LRFN5: variants seen among roughly 807,000 people sequenced by gnomAD.
The protein encoded by LRFN5 is leucine rich repeat and fibronectin type III domain containing 5.
In LRFN5, 24 loss-of-function variants were observed where a neutral mutation model predicts 45.6. That is an observed-to-expected ratio of 0.53 (90% CI 0.38 to 0.74). The LOEUF (loss-of-function observed/expected upper bound fraction) is 0.74, where lower values mean the gene tolerates loss of function less well. Among genes scored for constraint, LRFN5 ranks in the 30% least tolerant of loss-of-function variants. The probability of loss-of-function intolerance (pLI) is 0.00; values close to 1 mark genes in which losing one functional copy is unlikely to be tolerated. For synonymous variants in LRFN5, 340 were observed against 313.8 expected, an observed-to-expected ratio of 1.08 and a Z score of -0.88; for missense variants, 776 against 861.5, an observed-to-expected ratio of 0.90 and a Z score of 1.24.
At chr14:41,801,760 A>T (rs1887343024) in intron 2 of LRFN5, among the ~76,000 whole-genome samples, 1 of 152,152 alleles carries the variant, frequency 6.6e-6, no homozygotes, top group Non-Finnish European at 1.5e-5. Flanking sequence ...GTAACTGCAT[A>T]AATTGCTCTT....
chr14:41,860,520 G>A (rs1889624472), intron 2 of LRFN5, among the ~76,000 whole-genome samples: 1 of 151,966 alleles, frequency 6.6e-6, no homozygotes. Flanking sequence ...ACCTTACCAT[G>A]GACATAATTA....
At chr14:41,882,532 A>G (rs1295282722) in intron 2 of LRFN5, among the ~76,000 whole-genome samples, 2 of 152,012 alleles carry the variant, frequency 1.3e-5, no homozygotes, top group African/African-American at 4.8e-5. Flanking sequence ...TTCCTTCCTC[A>G]ATTTTTTTCT....
rs554717683 is a variant in LRFN5 at position 41,770,607 on chromosome 14, G to T, written c.-21+3578G>T. Among the ~76,000 whole-genome samples, 6 of 152,250 alleles carry T rather than the reference G, an allele frequency of 3.9e-5. No homozygotes were observed. The East Asian group carries it at 1.2e-3, about 29-fold the overall frequency. The stretch of plus-strand genomic sequence containing the variant: ...ATCTTAAAGCTCCAACACAATCCTC[G>T]ACTTCATGTTCCACAGCATGTTGTG... On this transcript the variant is annotated intron_variant, in intron 2 of 5. Transcript: ENST00000298119.
At chr14:41,859,666 G>A (rs1036643205) in intron 2 of LRFN5, among the ~76,000 whole-genome samples, 1 of 152,150 alleles carries the variant, frequency 6.6e-6, no homozygotes, top group African/African-American at 2.4e-5. Flanking sequence ...TCTAACTCAG[G>A]ACAGAAAACA....
chr14:41,684,939 C>G lies in LRFN5; in HGVS notation c.-197+76377C>G, dbSNP rs553945935. Among the ~76,000 whole-genome samples the G allele has an allele frequency of 4.6e-4, 70 of 152,160 alleles. 3 individuals are homozygous for G. The East Asian group carries it at 7.9e-3, about 17-fold the overall frequency. Reference sequence around the variant, plus strand: ...TAATAACCAGAATATGTAAGAAGCCCAAAGGACTCTATAGGAAAATATCTA... The same window carrying G: ...TAATAACCAGAATATGTAAGAAGCCGAAAGGACTCTATAGGAAAATATCTA... On this transcript the variant is annotated intron_variant, in intron 1 of 5. Coordinates refer to ENST00000298119, the MANE Select transcript of LRFN5 (RefSeq NM_152447.5).
intron 3 of LRFN5, among the ~76,000 whole-genome samples, chr14:41,888,749 A>G (rs1324357782): frequency 6.6e-6 from 1 of 152,120 alleles, no homozygotes; most frequent in Non-Finnish European, 1.5e-5. Context: ...GGTATGTAAT[A>G]TCCAAGTAAG....
In LRFN5 at chr14:41,794,321, A is replaced by T. The variant is rs541466521; in HGVS notation, c.-21+27292A>T. 4.6e-5 allele frequency among the ~76,000 whole-genome samples: 7 copies of T among 152,198 alleles called. No homozygotes were observed. In the South Asian group the frequency reaches 1.4e-3, roughly 32 times the overall value. ...AATTCAATACATTCTATGCCTGAAAATATGACATTTTATTCTTGTAAATTA... is the reference window on the plus strand; with the variant it reads ...AATTCAATACATTCTATGCCTGAAATTATGACATTTTATTCTTGTAAATTA... On this transcript the variant is annotated intron_variant, in intron 2 of 5. Coordinates refer to ENST00000298119, the MANE Select transcript of LRFN5 (RefSeq NM_152447.5).
chr14:41,881,945 T>C (rs892321305), intron 2 of LRFN5, among the ~76,000 whole-genome samples: 1 of 152,208 alleles, frequency 6.6e-6, no homozygotes, highest in African/African-American at 2.4e-5. Flanking sequence ...AATTGTAATA[T>C]CTGGGGTGTC....
intron 5 of LRFN5, among the ~76,000 whole-genome samples, chr14:41,901,825 C>G (rs1263071997): frequency 6.6e-6 from 1 of 151,926 alleles, no homozygotes; most frequent in Non-Finnish European, 1.5e-5. Flanking sequence ...AAAATATTTG[C>G]TTCTGCAGGA....
chr14:41,628,641 A>T (rs532797991), intron 1 of LRFN5, among the ~76,000 whole-genome samples: 12 of 152,288 alleles, frequency 7.9e-5, no homozygotes, highest in African/African-American at 2.6e-4. Context: ...TTAGCAGTAA[A>T]CAAGAGAGAG....
chr14:41,749,075 A>T (rs1351737197), intron 1 of LRFN5, among the ~76,000 whole-genome samples: 5 of 152,094 alleles, frequency 3.3e-5, no homozygotes. Context: ...ACTCACTGTT[A>T]TGATAACTTG....
At chr14:41,806,205 T>C (rs1887520407) in intron 2 of LRFN5, among the ~76,000 whole-genome samples, 1 of 152,188 alleles carries the variant, frequency 6.6e-6, no homozygotes. Context: ...AACTGTAAGA[T>C]AATCTTTAAC....
intron 2 of LRFN5, among the ~76,000 whole-genome samples, chr14:41,817,302 G>T (rs1255353829): frequency 2.0e-5 from 3 of 151,868 alleles, no homozygotes; most frequent in Non-Finnish European, 4.4e-5. Flanking sequence ...TCTCTTCATA[G>T]GTATTTTTTT....
intron 2 of LRFN5, among the ~76,000 whole-genome samples, chr14:41,856,672 A>ATTTTTTTTTTTTTTTTTTTTTTTTTTTT (rs1889465921): frequency 1.7e-4 from 1 of 5,984 alleles, no homozygotes; most frequent in Non-Finnish European, 6.2e-4. Context: ...TATTATTATT[A>ATTTTTTTTTTTTTTTTTTTTTTTTTTTT]TTATTTTTTT....
At chr14:41,694,757 A>G (rs767256544) in intron 1 of LRFN5, among the ~76,000 whole-genome samples, 24 of 151,874 alleles carry the variant, frequency 1.6e-4, no homozygotes, top group Non-Finnish European at 2.1e-4. Context: ...TTATTATTGT[A>G]TCTGTTATGG....
chr14:41,897,951 A>C (rs145528061), intron 4 of LRFN5, among the ~76,000 whole-genome samples: 1 of 152,224 alleles, frequency 6.6e-6, no homozygotes, highest in Non-Finnish European at 1.5e-5. Context: ...TAAATATTTG[A>C]GTAAAATCAA....
chr14:41,731,891 G>A (rs1182948006), intron 1 of LRFN5: 2 of 152,122 alleles, frequency 1.3e-5, no homozygotes, highest in African/African-American at 4.8e-5. Context: ...TTGAAGATTT[G>A]CAAGTATAAT....
Position 41,852,549 on chromosome 14 carries a change from A to G in LRFN5, c.-20-34057A>G, listed in dbSNP as rs574231292. Among the ~76,000 whole-genome samples the G allele has an allele frequency of 1.1e-4, 17 of 152,058 alleles. No individual in the cohort carries two copies. In the South Asian group the frequency reaches 3.5e-3, roughly 31 times the overall value. ...ACTTTCAGATACTACATATTGACATAAAGTTTTGTTTCTCCCATTTCTGCT... is the reference window on the plus strand; with the variant it reads ...ACTTTCAGATACTACATATTGACATGAAGTTTTGTTTCTCCCATTTCTGCT... On this transcript the variant is annotated intron_variant, in intron 2 of 5. Coordinates refer to ENST00000298119, the MANE Select transcript of LRFN5 (RefSeq NM_152447.5).
intron 2 of LRFN5, among the ~76,000 whole-genome samples, chr14:41,815,187 C>T (rs934986716): frequency 6.6e-6 from 1 of 152,000 alleles, no homozygotes; most frequent in Non-Finnish European, 1.5e-5. Flanking sequence ...TCTTGCCATC[C>T]TATCAGTTTT....
Sources: allele counts gnomAD v4.1 joint callset (sites outside exome capture counted in the v4.1 genomes callset), GRCh38; gene constraint gnomAD v4.1.1; transcripts MANE v1.5; gene names NCBI Gene and HGNC (gene_info 2026-07-23, HGNC 2026-07-21).